The following COL18A1 variants were observed in gnomAD, a reference collection of about 807,000 sequenced individuals.
COL18A1 encodes collagen type XVIII alpha 1 chain, also known as collagen alpha-1(XVIII) chain.
A neutral mutation model predicts 168.0 loss-of-function variants in COL18A1; 133 were observed. That is an observed-to-expected ratio of 0.79 (90% confidence interval 0.69 to 0.91). The LOEUF is 0.91. COL18A1 is among the 40% of genes least tolerant of loss of function. The probability of loss-of-function intolerance (pLI) is 0.00; values close to 1 mark genes in which losing one functional copy is unlikely to be tolerated. For missense variants in COL18A1, 2,126 were observed against 1,925.4 expected, an observed-to-expected ratio of 1.10 and a Z score of -1.95; for synonymous variants, 949 against 809.0, an observed-to-expected ratio of 1.17 and a Z score of -2.94.
At chr21:45,475,576 C>CG in intron 5 of COL18A1, 41 bp downstream of exon 5, 1 of 1,554,414 alleles carries the variant, frequency 6.4e-7, no homozygotes, top group Non-Finnish European at 8.8e-7. Flanking sequence ...TGCAGGGTCC[C>CG]GGGAGAGCCC....
chr21:45,437,394 GCACA>G (rs1305059288), intron 2 of COL18A1, among the ~76,000 whole-genome samples: 4 of 73,092 alleles, frequency 5.5e-5, no homozygotes, highest in South Asian at 9.5e-4. Flanking sequence ...GCACTCTCCT[GCACA>G]CACACACTCA....
chr21:45,466,117 T>C (rs1446212934), intron 2 of COL18A1, among the ~76,000 whole-genome samples: 1 of 152,042 alleles, frequency 6.6e-6, no homozygotes, highest in Non-Finnish European at 1.5e-5. Context: ...GAGAGGGCGC[T>C]TTGGCTCAGA....
intron 15 of COL18A1, among the ~76,000 whole-genome samples, 199 bp downstream of exon 15, chr21:45,483,020 C>T (rs561790337): frequency 2.0e-5 from 3 of 152,336 alleles, no homozygotes; most frequent in South Asian, 2.1e-4. Flanking sequence ...GAGGTGGCTT[C>T]GGCCCTTGTC....
At chr21:45,452,872 ATG>A (rs1296639649) in intron 2 of COL18A1, among the ~76,000 whole-genome samples, 17 of 151,640 alleles carry the variant, frequency 1.1e-4, no homozygotes, top group South Asian at 4.2e-4. Context: ...TTGTGTATGC[ATG>A]TGAGTATTCA....
chr21:45,501,728 ACCCCCAGGG>A (rs2036847143), intron 32 of COL18A1, among the ~76,000 whole-genome samples: 1 of 128,580 alleles, frequency 7.8e-6, no homozygotes, highest in African/African-American at 2.8e-5. Flanking sequence ...CTGCAGAAGG[ACCCCCAGGG>A]GCTCCACAGC....
intron 3 of COL18A1, among the ~76,000 whole-genome samples, chr21:45,472,537 C>A (rs532996827): frequency 3.3e-5 from 5 of 152,182 alleles, no homozygotes; most frequent in Non-Finnish European, 5.9e-5. Context: ...GAATTCAACC[C>A]CAGCTCCTCC....
rs1038275879 is a variant in COL18A1, at chr21:45,498,067, C to T, written c.2683+406C>T. ...TTTCATGTGGGAAGGAGGCGTTGCC[C>T]GACAGGCCGTCTGGAGGGTGAGCCC... On this transcript the variant is annotated intron_variant, in intron 32 of 41. Transcript: ENST00000651438. The surrounding 1 kb of genome is among the most constrained non-coding windows in gnomAD (Gnocchi z 4.5). 21 of 607,346 alleles carry T rather than the reference C, an allele frequency of 3.5e-5. No homozygotes were observed. The highest frequency in any genetic ancestry group is 4.7e-5 in the Non-Finnish European group (16 of 342,710). The allele number at this position is 607,346 out of a possible 1,614,324, so 37.6% of individuals were successfully genotyped here. A position where few individuals can be genotyped will look rare whatever the true frequency, so the allele number is the denominator to read the frequency against.
Position 45,496,529 on chromosome 21 carries a change from GCCCCCAGGC to G in COL18A1, c.2541_2549del (p.Pro850_Gly852del). 1 of 1,531,004 alleles carries G rather than the reference GCCCCCAGGC, an allele frequency of 6.5e-7. No homozygotes were observed. The allele number at this position is 1,531,004 out of a possible 1,614,324, so 94.8% of individuals were successfully genotyped here. A position where few individuals can be genotyped will look rare whatever the true frequency, so the allele number is the denominator to read the frequency against. On this transcript the variant is annotated inframe_deletion, in exon 30 of 42. Coordinates refer to ENST00000651438, the MANE Select transcript of COL18A1 (RefSeq NM_001379500.1). ...TGCCCGGCCCCCCAGGACCTCCAGG[GCCCCCAGGC>G]CCTCCAGGGACTCCTGTTTACGACA...
rs199911477 is a variant in COL18A1 at position 45,438,130 on chromosome 21, GCACA to G, written c.107-30104_107-30101del. Among the ~76,000 whole-genome samples, 12 of 76,212 alleles carry G rather than the reference GCACA, an allele frequency of 1.6e-4. 1 individual carries two copies. Among genetic ancestry groups the G allele is most frequent in the East Asian group, 1.4e-3 (3 of 2,078 alleles). 50.0% of individuals were successfully genotyped at this position (76,212 alleles called of 152,430 possible). On this transcript the variant is annotated intron_variant, in intron 2 of 41. Coordinates refer to ENST00000651438, the MANE Select transcript of COL18A1 (RefSeq NM_001379500.1). ...CACTCAGACACACAGGCACTCTCCT[GCACA>G]CACACACTCACTCAGACACAGGCAC...
chr21:45,455,207 C>T (rs934616218), intron 2 of COL18A1, among the ~76,000 whole-genome samples: 28 of 152,364 alleles, frequency 1.8e-4, no homozygotes, highest in Admixed American at 1.2e-3. Context: ...GACTCAGCAG[C>T]CCTGCCCCGG....
In COL18A1 at chr21:45,463,114, T is replaced by A. The variant is rs1306161544; in HGVS notation, c.107-5128T>A. 1.3e-5 allele frequency among the ~76,000 whole-genome samples: 2 copies of A among 152,200 alleles called. No individual in the cohort carries two copies. Among genetic ancestry groups the A allele is most frequent in the Non-Finnish European group, 2.9e-5 (2 of 68,046 alleles). ...GATAAAAATGAGGGAGAAAAAACAG[T>A]GCCAGCCCTCTAAATCCCCTTCAAG... On this transcript the variant is annotated intron_variant, in intron 2 of 41. Transcript: ENST00000651438. The surrounding 1 kb of genome is among the most constrained non-coding windows in gnomAD (Gnocchi z 4.0).
chr21:45,511,145 TC>T lies in COL18A1; in HGVS notation c.3729del (p.Ser1244GlnfsTer7), dbSNP rs1271323340. 2 of 1,596,018 alleles carry T rather than the reference TC, an allele frequency of 1.3e-6. No homozygotes were observed. The highest frequency in any genetic ancestry group is 1.7e-6 in the Non-Finnish European group (2 of 1,171,358). Reference sequence around the variant, plus strand: ...CTGTTTCCCAGCTGGGAGGCTCTGTTCTCAGGCTCTGAGGGTCCGCTGAAGC... The same window carrying T: ...CTGTTTCCCAGCTGGGAGGCTCTGTTTCAGGCTCTGAGGGTCCGCTGAAGC... Reference protein sequence around the residue: ...ELLFPSWEALFSGSEGPLKPG... With the variant: ...ELLFPSWEALXSGSEGPLKPG... On this transcript the variant is annotated frameshift_variant, in exon 41 of 42. Coordinates refer to ENST00000651438, the MANE Select transcript of COL18A1 (RefSeq NM_001379500.1). LOFTEE classifies it high-confidence loss of function.
Position 45,405,327 on chromosome 21 carries a change from TGCGGGGGTC to T in COL18A1, c.12-42_12-34del, listed in dbSNP as rs1387248324. 3.5e-3 allele frequency: 3,570 copies of T among 1,026,506 alleles called. 108 individuals are homozygous for T. In the African/African-American group the frequency reaches 0.057, roughly 16 times the overall value. 63.6% of individuals were successfully genotyped at this position (1,026,506 alleles called of 1,614,324 possible). On this transcript the variant is annotated intron_variant, in intron 1 of 41. Coordinates refer to ENST00000651438, the MANE Select transcript of COL18A1 (RefSeq NM_001379500.1). ...GGGGTCGCGGGGCTCGGCCGGGTCC[TGCGGGGGTC>T]GCGGGGGTCCTGCGGGGTCTGACCC...
intron 24 of COL18A1, 75 bp from the exon 25 acceptor site, chr21:45,493,088 G>C (rs1283411234): frequency 2.8e-6 from 4 of 1,420,314 alleles, no homozygotes; most frequent in Non-Finnish European, 3.9e-6. Context: ...GGCAGCTGTC[G>C]GGGGAGATGG....
rs1405486565 is a variant in COL18A1 at position 45,507,608 on chromosome 21, T to C, written c.3249+15T>C. ...CACGAGGGACGGTAAGGAGCCTTTT[T>C]TCTGTTGAGACTGGTGGGTGGTCAG... On this transcript the variant is annotated intron_variant, in intron 38 of 41. Coordinates refer to ENST00000651438, the MANE Select transcript of COL18A1 (RefSeq NM_001379500.1). 17 of 1,612,542 alleles carry C rather than the reference T, an allele frequency of 1.1e-5. No homozygotes were observed. The highest frequency in any genetic ancestry group is 1.3e-5 in the Non-Finnish European group (15 of 1,179,412).
At chr21:45,428,405 A>G (rs13046232) in intron 2 of COL18A1, among the ~76,000 whole-genome samples, 18,330 of 152,260 alleles carry the variant, frequency 0.12, 1,183 homozygotes, top group African/African-American at 0.16. Context: ...CGAGGCCACC[A>G]GTTTCCACCC....
chr21:45,437,368 ACACT>A (rs1345746337), intron 2 of COL18A1, among the ~76,000 whole-genome samples: 7 of 116,900 alleles, frequency 6.0e-5, no homozygotes, highest in African/African-American at 1.6e-4. Context: ...GCACACACAC[ACACT>A]CAGACACACA....
chr21:45,506,126 C>G (rs2037189759), intron 37 of COL18A1, 160 bp downstream of exon 37: 2 of 1,139,438 alleles, frequency 1.8e-6, no homozygotes, highest in East Asian at 2.6e-5. Flanking sequence ...TAGTAAAATA[C>G]TTTTGTGAGC....
chr21:45,480,564 A>G lies in COL18A1; in HGVS notation c.1452+44A>G, dbSNP rs751920908. On this transcript the variant is annotated intron_variant, in intron 12 of 41. Coordinates refer to ENST00000651438, the MANE Select transcript of COL18A1 (RefSeq NM_001379500.1). ...GCAGCGCTGCCCGATGTCTGTGCCCATGAGGAACAGGCCATGGACCCCCAA... is the reference window on the plus strand; with the variant it reads ...GCAGCGCTGCCCGATGTCTGTGCCCGTGAGGAACAGGCCATGGACCCCCAA... 13 of 1,613,872 alleles carry G rather than the reference A, an allele frequency of 8.1e-6. No individual in the cohort carries two copies. The East Asian group carries it at 1.8e-4, about 22-fold the overall frequency.
Sources: allele counts gnomAD v4.1 joint callset (sites outside exome capture counted in the v4.1 genomes callset), GRCh38; gene constraint gnomAD v4.1.1; non-coding constraint Gnocchi (gnomAD v3.1); transcripts MANE v1.5; gene names NCBI Gene and HGNC (gene_info 2026-07-23, HGNC 2026-07-21).